EEFSEC: variants seen among roughly 807,000 people sequenced by gnomAD.
The protein encoded by EEFSEC is selenocysteine-specific elongation factor.
A neutral mutation model predicts 42.1 loss-of-function variants in EEFSEC; 43 were observed. The observed-to-expected ratio is 1.02, with a 90% CI of 0.80 to 1.32. The LOEUF is 1.32. EEFSEC is among the 40% of genes most tolerant of loss of function. EEFSEC has a pLI of 0.00. For synonymous variants in EEFSEC, 354 were observed against 339.1 expected, an observed-to-expected ratio of 1.04 and a Z score of -0.48; for missense variants, 745 against 803.6, an observed-to-expected ratio of 0.93 and a Z score of 0.88.
intron 1 of EEFSEC, among the ~76,000 whole-genome samples, chr3:128,196,774 C>T (rs1323782342): frequency 6.6e-6 from 1 of 152,196 alleles, no homozygotes; most frequent in Non-Finnish European, 1.5e-5. Flanking sequence ...CCTCTGGAAC[C>T]TCAGTCTCCT....
intron 1 of EEFSEC, among the ~76,000 whole-genome samples, chr3:128,230,136 CCCTT>C (rs1214684146): frequency 1.4e-5 from 2 of 145,276 alleles, no homozygotes; most frequent in East Asian, 4.2e-4. Context: ...CTCCCTCCCT[CCCTT>C]CCTTCCTTTT....
the EEFSEC span, among the ~76,000 whole-genome samples, chr3:128,416,002 C>T: frequency 6.6e-6 from 1 of 152,228 alleles, no homozygotes; most frequent in Non-Finnish European, 1.5e-5. Flanking sequence ...ACAGAGCAGG[C>T]GTTGGGGACC....
At chr3:128,238,888 A>C (rs1203517243) in intron 1 of EEFSEC, among the ~76,000 whole-genome samples, 1 of 152,214 alleles carries the variant, frequency 6.6e-6, no homozygotes, top group African/African-American at 2.4e-5. Flanking sequence ...TGGAGTTCTT[A>C]AACTTCTTCT....
At chr3:128,397,539 C>T (rs936355978) in intron 6 of EEFSEC, among the ~76,000 whole-genome samples, 6 of 152,228 alleles carry the variant, frequency 3.9e-5, no homozygotes, top group African/African-American at 1.4e-4. Context: ...CTGGCCAAGC[C>T]GCATCCCAGC....
At chr3:128,372,176 A>G (rs1226431059) in intron 6 of EEFSEC, among the ~76,000 whole-genome samples, 1 of 152,210 alleles carries the variant, frequency 6.6e-6, no homozygotes, top group African/African-American at 2.4e-5. Context: ...TAGGCAGTGG[A>G]AAGTGGAACT....
chr3:128,311,847 G>A lies in EEFSEC; in HGVS notation c.787-29386G>A, dbSNP rs554918663. 4.6e-5 allele frequency among the ~76,000 whole-genome samples: 7 copies of A among 152,224 alleles called. No homozygotes were observed. In the East Asian group the frequency reaches 5.8e-4, roughly 13 times the overall value. ...AAATATTTCAAAATCCAGCTCTTAC[G>A]TCCCACCTCTTCCTGGGAGCTGCAT... is the stretch of plus-strand genomic sequence containing the variant. On this transcript the variant is annotated intron_variant, in intron 4 of 6. Transcript: ENST00000254730.
Position 128,185,765 on chromosome 3 carries a change from G to C in EEFSEC, c.316+31942G>C, listed in dbSNP as rs552446444. Among the ~76,000 whole-genome samples, 376 of 152,290 alleles carry C rather than the reference G, an allele frequency of 2.5e-3. 5 individuals are homozygous for C. The highest frequency in any genetic ancestry group is 8.2e-3 in the African/African-American group (341 of 41,556). ...TAGATTCACCCATATTGTAGCCTGA[G>C]TCTCTACTTCATTCCTTTTTAAGAC... is the stretch of plus-strand genomic sequence containing the variant. On this transcript the variant is annotated intron_variant, in intron 1 of 6. Coordinates refer to ENST00000254730, the MANE Select transcript of EEFSEC (RefSeq NM_021937.5).
chr3:128,337,452 A>T (rs2067202503), intron 4 of EEFSEC, among the ~76,000 whole-genome samples: 1 of 152,130 alleles, frequency 6.6e-6, no homozygotes, highest in African/African-American at 2.4e-5. Context: ...GAGGAGGGGG[A>T]AGGGGCATCA....
chr3:128,288,170 G>T (rs570130367), intron 4 of EEFSEC, among the ~76,000 whole-genome samples: 2 of 152,110 alleles, frequency 1.3e-5, no homozygotes, highest in African/African-American at 4.8e-5. Flanking sequence ...GTTTGGCACA[G>T]GTGCTTTTTT....
At position 128,372,719 on chromosome 3, in the gene EEFSEC, T is replaced by C. The variant is rs1011445381; in HGVS notation, c.1600+14346T>C. Reference sequence around the variant, plus strand: ...ACTCTTTTGTTCCTTCAGCACCCCCTGAGGTGGGCACTATTAGTAGGTCGT... The same window carrying C: ...ACTCTTTTGTTCCTTCAGCACCCCCCGAGGTGGGCACTATTAGTAGGTCGT... On this transcript the variant is annotated intron_variant, in intron 6 of 6. Coordinates refer to ENST00000254730, the MANE Select transcript of EEFSEC (RefSeq NM_021937.5). Among the ~76,000 whole-genome samples the C allele has an allele frequency of 2.0e-5, 3 of 152,178 alleles. No homozygotes were observed. In the East Asian group the frequency reaches 5.8e-4, roughly 29 times the overall value.
Position 128,246,928 on chromosome 3 carries a change from G to A in EEFSEC, c.409G>A (p.Ala137Thr), listed in dbSNP as rs983579201. The A allele has an allele frequency of 6.2e-7, 1 of 1,614,218 alleles. No individual in the cohort carries two copies. The highest frequency in any genetic ancestry group is 1.3e-5 in the African/African-American group (1 of 75,062). The change falls in exon 2 of 7, where the codon GCC (alanine) becomes ACC (threonine). Residue 137 changes from alanine (A) to threonine (T), a missense_variant. By Grantham distance (58) the Ala-to-Thr change is moderately conservative. Coordinates refer to ENST00000254730, the MANE Select transcript of EEFSEC (RefSeq NM_021937.5). ...GGAATGCCTTGTGATCGGCCAGATTGCCTGCCAGAAGCTGGTCGTGGTGCT... is the reference window on the plus strand; with the variant it reads ...GGAATGCCTTGTGATCGGCCAGATTACCTGCCAGAAGCTGGTCGTGGTGCT... Reference protein sequence around the residue: ...SAECLVIGQIACQKLVVVLNK... With the variant: ...SAECLVIGQITCQKLVVVLNK...
chr3:128,364,995 G>A (rs2067572216), intron 6 of EEFSEC, among the ~76,000 whole-genome samples: 1 of 152,248 alleles, frequency 6.6e-6, no homozygotes. Flanking sequence ...GCTGAGGGCA[G>A]TGCCAGCCCT....
Position 128,406,880 on chromosome 3 carries a change from A to G in EEFSEC, c.1601-1189A>G, listed in dbSNP as rs984453999. 3.6e-4 allele frequency among the ~76,000 whole-genome samples: 55 copies of G among 151,382 alleles called. 2 individuals are homozygous for G. The highest frequency in any genetic ancestry group is 9.9e-4 in the African/African-American group (41 of 41,244). On this transcript the variant is annotated intron_variant, in intron 6 of 6. Coordinates refer to ENST00000254730, the MANE Select transcript of EEFSEC (RefSeq NM_021937.5). ...TATATATACATATATATACATACAT[A>G]TATATATATTACACTATAAATATAC...
chr3:128,297,339 G>A (rs2066717915), intron 4 of EEFSEC, among the ~76,000 whole-genome samples: 1 of 152,108 alleles, frequency 6.6e-6, no homozygotes, highest in Admixed American at 6.5e-5. Flanking sequence ...CGGAGAACTG[G>A]CTCTACCAGT....
intron 6 of EEFSEC, among the ~76,000 whole-genome samples, chr3:128,379,200 C>T (rs905452640): frequency 2.0e-5 from 3 of 152,222 alleles, no homozygotes; most frequent in African/African-American, 7.2e-5. Flanking sequence ...GGGCCAGCCT[C>T]TCCTGGAAGC....
intron 1 of EEFSEC, among the ~76,000 whole-genome samples, chr3:128,220,266 G>A (rs1175700013): frequency 3.9e-5 from 6 of 152,232 alleles, no homozygotes; most frequent in African/African-American, 1.4e-4. Flanking sequence ...TATCTTTGGA[G>A]TTAAATGAAT....
intron 4 of EEFSEC, among the ~76,000 whole-genome samples, chr3:128,294,920 C>T (rs2066685911): frequency 6.6e-6 from 1 of 152,206 alleles, no homozygotes; most frequent in African/African-American, 2.4e-5. Context: ...GATGAACTAT[C>T]AATCTCTTGC....
At chr3:128,204,752 GA>G (rs1308707480) in intron 1 of EEFSEC, among the ~76,000 whole-genome samples, 1 of 152,034 alleles carries the variant, frequency 6.6e-6, no homozygotes, top group Non-Finnish European at 1.5e-5. Flanking sequence ...TAAGTGTGCT[GA>G]GCAGTCTGTG....
chr3:128,241,491 G>A (rs2955082), intron 1 of EEFSEC, among the ~76,000 whole-genome samples: 127,612 of 152,122 alleles, frequency 0.84, 54,006 homozygotes, highest in East Asian at 0.99. Flanking sequence ...GATTACAAAC[G>A]TGTGCCACCA....
Sources: gnomAD v4.1 joint callset for allele counts (sites outside exome capture counted in the v4.1 genomes callset) on GRCh38, gnomAD v4.1.1 for gene constraint, MANE v1.5 for transcripts, NCBI Gene and HGNC (gene_info 2026-07-23, HGNC 2026-07-21) for gene names.